CYP4F22: variants seen among roughly 807,000 people sequenced by gnomAD.
CYP4F22 encodes the protein ultra-long-chain fatty acid omega-hydroxylase.
CYP4F22 carries 37 observed loss-of-function variants against 60.4 expected under a neutral mutation model. That is an observed-to-expected ratio of 0.61 (90% CI 0.47 to 0.81). CYP4F22 has a LOEUF of 0.81. Among genes scored for constraint, CYP4F22 ranks in the 30% least tolerant of loss-of-function variants. The pLI is 0.00. For missense variants in CYP4F22, 655 were observed against 715.0 expected, an observed-to-expected ratio of 0.92 and a Z score of 0.96; for synonymous variants, 258 against 280.5, an observed-to-expected ratio of 0.92 and a Z score of 0.80.
rs1261678848 is a variant in CYP4F22 at position 15,531,929 on chromosome 19, ACT to A, written c.367+2079_367+2080del. ...AGACCAGCCTGGGCAACAGAGCAAG[ACT>A]CTATCTTTACAAAAAATTTAAAAAA... On this transcript the variant is annotated intron_variant, in intron 4 of 13. Transcript: ENST00000269703. Among the ~76,000 whole-genome samples the A allele has an allele frequency of 6.6e-5, 10 of 151,808 alleles. 1 individual carries two copies. Among genetic ancestry groups the A allele is most frequent in the Admixed American group, 4.6e-4 (7 of 15,244 alleles).
intron 4 of CYP4F22, 49 bp from the exon 5 acceptor site, chr19:15,537,312 A>C (rs760247575): frequency 6.2e-7 from 1 of 1,612,588 alleles, no homozygotes; most frequent in Non-Finnish European, 8.5e-7. Flanking sequence ...AAAAACAAAA[A>C]ACCAAAAAAC....
intron 10 of CYP4F22, among the ~76,000 whole-genome samples, chr19:15,546,219 T>C (rs1170865727): frequency 1.3e-5 from 2 of 152,110 alleles, no homozygotes; most frequent in Admixed American, 1.3e-4. Flanking sequence ...CAAGCAGTCC[T>C]CTTACTTTGG....
rs1245360473 is a variant in CYP4F22 at position 15,549,167 on chromosome 19, A to G, written c.1300A>G (p.Thr434Ala). 6.2e-7 allele frequency: 1 copy of G among 1,613,782 alleles called. No homozygotes were observed. Among genetic ancestry groups the G allele is most frequent in the Non-Finnish European group, 8.5e-7 (1 of 1,179,940 alleles). Reference sequence around the variant, plus strand: ...CATCTGCTTGGTCAGCATCTATGGAACCCACCACAACCCCACAGTGTGGCC... The same window carrying G: ...CATCTGCTTGGTCAGCATCTATGGAGCCCACCACAACCCCACAGTGTGGCC... ...GIICLVSIYG[T>A]HHNPTVWPDS... The change falls in exon 12 of 14, where the codon ACC becomes GCC. Residue 434 changes from threonine to alanine, a missense_variant. This residue lies in a region of CYP4F22 where 151 missense variants were observed against 139.4 expected (regional missense o/e 1.08). Coordinates refer to ENST00000269703, the MANE Select transcript of CYP4F22 (RefSeq NM_173483.4).
rs117865380 is a variant in CYP4F22, at chr19:15,535,213, A to T, written c.368-2148A>T. Among the ~76,000 whole-genome samples, 19 of 152,164 alleles carry T rather than the reference A, an allele frequency of 1.2e-4. No individual in the cohort carries two copies. The East Asian group carries it at 3.1e-3, about 25-fold the overall frequency. On this transcript the variant is annotated intron_variant, in intron 4 of 13. Transcript: ENST00000269703. ...CTGAGCCTTCCTTAGCACCTAGCAC[A>T]CTTTCTACCTTCTTGGTAATTGCAT...
At chr19:15,534,201 C>T (rs543442050) in intron 4 of CYP4F22, among the ~76,000 whole-genome samples, 30 of 152,300 alleles carry the variant, frequency 2.0e-4, no homozygotes, top group African/African-American at 6.7e-4. Context: ...TACCATGTGC[C>T]AGGAACACAA....
At chr19:15,521,195 C>T (rs1036985510) in intron 1 of CYP4F22, among the ~76,000 whole-genome samples, 1 of 149,736 alleles carries the variant, frequency 6.7e-6, no homozygotes, top group Non-Finnish European at 1.5e-5. Flanking sequence ...TTTGTTTATA[C>T]ATTCATTTGT....
intron 10 of CYP4F22, among the ~76,000 whole-genome samples, chr19:15,547,013 C>T (rs1236291674): frequency 1.7e-5 from 1 of 58,114 alleles, no homozygotes; most frequent in Non-Finnish European, 3.6e-5. Context: ...GCCTGGCCTG[C>T]ACCAGTTTTT....
At chr19:15,540,852 A>C in intron 8 of CYP4F22, 135 bp downstream of exon 8, 1 of 1,122,690 alleles carries the variant, frequency 8.9e-7, no homozygotes, top group Non-Finnish European at 1.3e-6. Flanking sequence ...TGGGAGGCCA[A>C]GGCGGGAGGA....
chr19:15,537,909 C>G lies in CYP4F22; in HGVS notation c.587C>G (p.Ser196Cys), dbSNP rs79603814. 1.2e-3 allele frequency: 1,868 copies of G among 1,614,162 alleles called. 14 individuals are homozygous for G. In the African/African-American group the frequency reaches 0.021, roughly 18 times the overall value. ...CATCTGGCAGAGGGCTCAGCGGTCT[C>G]CCTTGATATGTTTGAGCATATCAGC... Reference protein sequence around the residue: ...WRHLAEGSAVSLDMFEHISLM... With the variant: ...WRHLAEGSAVCLDMFEHISLM... The change falls in exon 7 of 14, where the codon TCC (serine) becomes TGC (cysteine). Residue 196 changes from serine (S) to cysteine (C), a missense_variant. Ser to Cys is a moderately radical substitution (Grantham distance 112, BLOSUM62 -1). This residue lies in a region of CYP4F22 where 430 missense variants were observed against 457.1 expected (regional missense o/e 0.94). Transcript: ENST00000269703.
In CYP4F22 at chr19:15,536,824, T is replaced by G. The variant is rs146369868; in HGVS notation, c.368-537T>G. On this transcript the variant is annotated intron_variant, in intron 4 of 13. Coordinates refer to ENST00000269703, the MANE Select transcript of CYP4F22 (RefSeq NM_173483.4). ...TTCAATGCCAGGCTGAGCCTGAACT[T>G]TTTACAAGTGCAATGGGGAGCCATG... Among the ~76,000 whole-genome samples, 372 of 152,170 alleles carry G rather than the reference T, an allele frequency of 2.4e-3. 1 individual carries two copies. Among genetic ancestry groups the G allele is most frequent in the African/African-American group, 8.2e-3 (339 of 41,510 alleles).
In CYP4F22 at chr19:15,537,537, G is replaced by T; in HGVS notation, c.424G>T (p.Asp142Tyr). 2.5e-6 allele frequency: 4 copies of T among 1,614,150 alleles called. No individual in the cohort carries two copies. In the South Asian group the frequency reaches 4.4e-5, roughly 18 times the overall value. Reference protein sequence around the residue: ...FYGFLKPWLGDGLLLSKGDKW... With the variant: ...FYGFLKPWLGYGLLLSKGDKW... ...TAACCTCAGTCTTCTGGGCCCAGGG[G>T]ATGGGCTGCTGCTCAGCAAAGGTGA... is the stretch of plus-strand genomic sequence containing the variant. The change falls in exon 6 of 14, where the codon GAT becomes TAT. Residue 142 changes from aspartate to tyrosine, a missense_variant and splice_region_variant. Transcript: ENST00000269703.
chr19:15,537,345 C>T lies in CYP4F22; in HGVS notation c.368-16C>T, dbSNP rs754734408. The T allele has an allele frequency of 6.2e-7, 1 of 1,613,988 alleles. No individual in the cohort carries two copies. The highest frequency in any genetic ancestry group is 8.5e-7 in the Non-Finnish European group (1 of 1,180,008). On this transcript the variant is annotated splice_polypyrimidine_tract_variant and intron_variant, in intron 4 of 13. Coordinates refer to ENST00000269703, the MANE Select transcript of CYP4F22 (RefSeq NM_173483.4). Reference sequence around the variant, plus strand: ...AACTCTGTTTTGAGTCACCATTTTCCCTTTGCCCTCCACAGCTGCCATCGC... The same window carrying T: ...AACTCTGTTTTGAGTCACCATTTTCTCTTTGCCCTCCACAGCTGCCATCGC...
chr19:15,537,162 A>C (rs149772346), intron 4 of CYP4F22, among the ~76,000 whole-genome samples, 199 bp from the exon 5 acceptor site: 1 of 152,106 alleles, frequency 6.6e-6, no homozygotes, highest in Non-Finnish European at 1.5e-5. Flanking sequence ...TTAGCCGGGC[A>C]TGGTGGCGGA....
chr19:15,516,135 G>A (rs546649738), intron 1 of CYP4F22: 1 of 152,306 alleles, frequency 6.6e-6, no homozygotes, highest in Admixed American at 6.5e-5. Flanking sequence ...AAGAGAATAA[G>A]TACATTCTAT....
At chr19:15,524,125 G>C (rs932608801) in intron 2 of CYP4F22, among the ~76,000 whole-genome samples, 2 of 151,792 alleles carry the variant, frequency 1.3e-5, no homozygotes, top group African/African-American at 4.8e-5. Context: ...AGCAGTACAA[G>C]GAATTAAGCT....
intron 4 of CYP4F22, among the ~76,000 whole-genome samples, chr19:15,533,243 T>A (rs1971362118): frequency 6.6e-6 from 1 of 152,222 alleles, no homozygotes; most frequent in Non-Finnish European, 1.5e-5. Context: ...ATCATCTTTT[T>A]AAAATGGAGG....
At chr19:15,509,022 G>A (rs1401172741) in intron 1 of CYP4F22, among the ~76,000 whole-genome samples, 1 of 152,026 alleles carries the variant, frequency 6.6e-6, no homozygotes, top group Non-Finnish European at 1.5e-5. Context: ...ACGTTGTCTT[G>A]ACGGGGAGGT....
intron 1 of CYP4F22, among the ~76,000 whole-genome samples, chr19:15,521,254 C>T (rs1278659798): frequency 2.5e-5 from 3 of 118,930 alleles, no homozygotes; most frequent in East Asian, 2.4e-4. Context: ...TTTTTTGAGA[C>T]GGAGTCTCGC....
intron 7 of CYP4F22, among the ~76,000 whole-genome samples, chr19:15,539,857 G>A (rs899260084): frequency 6.6e-6 from 1 of 152,162 alleles, no homozygotes; most frequent in Non-Finnish European, 1.5e-5. Context: ...GTATCTCATT[G>A]TGGTTTTGAT....
Sources: gnomAD v4.1 joint callset for allele counts (sites outside exome capture counted in the v4.1 genomes callset) on GRCh38, gnomAD v4.1.1 for gene constraint, gnomAD v4.1.1 regional missense constraint, MANE v1.5 for transcripts, NCBI Gene and HGNC (gene_info 2026-07-23, HGNC 2026-07-21) for gene names.